Variants in SPATA18 observed in about 807,000 individuals in gnomAD.
SPATA18 encodes spermatogenesis associated 18.
Under a neutral mutation model 68.1 loss-of-function variants are expected in SPATA18, and 54 were observed. The observed-to-expected ratio is 0.79, with a 90% confidence interval of 0.64 to 0.99. The LOEUF is 0.99. Among genes scored for constraint, SPATA18 ranks in the 50% least tolerant of loss-of-function variants. The pLI is 0.00. For missense variants in SPATA18, 724 were observed against 681.1 expected (o/e 1.06, Z -0.70); for synonymous variants, 242 against 244.8 (o/e 0.99, Z 0.11).
At chr4:52,066,573 C>T (rs1280629856) in intron 4 of SPATA18, among the ~76,000 whole-genome samples, 1 of 152,086 alleles carries the variant, frequency 6.6e-6, no homozygotes, top group African/African-American at 2.4e-5. Flanking sequence ...AAACGTGTAC[C>T]ATGGTGGTTT....
intron 11 of SPATA18, 103 bp downstream of exon 11, chr4:52,085,102 G>GTA: frequency 1.2e-6 from 1 of 825,482 alleles, no homozygotes; most frequent in Non-Finnish European, 1.9e-6. Context: ...GTCTACAGGT[G>GTA]GAAAGAGAAC....
At position 52,051,392 on chromosome 4, in the gene SPATA18, A is replaced by G. The variant is rs1737850328; in HGVS notation, c.-313A>G. ...GGGCCGCGCGCGTCCCTGGCAGCCA[A>G]CCCGTCCACGTCAAGGTTTGTTTAA... On this transcript the variant is annotated 5_prime_UTR_variant, in exon 1 of 13. Coordinates refer to ENST00000295213, the MANE Select transcript of SPATA18 (RefSeq NM_145263.4). The G allele has an allele frequency of 7.2e-6, 2 of 278,876 alleles. No homozygotes were observed. Among genetic ancestry groups the G allele is most frequent in the Non-Finnish European group, 1.3e-5 (2 of 150,590 alleles). 17.3% of individuals were successfully genotyped at this position (278,876 alleles called of 1,614,324 possible).
intron 11 of SPATA18, 89 bp downstream of exon 11, chr4:52,085,088 ATAAGTC>A: frequency 9.7e-7 from 1 of 1,029,288 alleles, no homozygotes; most frequent in Non-Finnish European, 1.5e-6. Context: ...AGAGGTGATT[ATAAGTC>A]TACAGGTGGA....
chr4:52,079,597 C>T, intron 8 of SPATA18, 147 bp from the exon 9 acceptor site: 2 of 882,820 alleles, frequency 2.3e-6, no homozygotes, highest in Non-Finnish European at 1.7e-6. Context: ...CATCTTTCTC[C>T]TTTTAGCACA....
chr4:52,088,456 C>T (rs914839224), intron 11 of SPATA18, among the ~76,000 whole-genome samples: 3 of 152,082 alleles, frequency 2.0e-5, no homozygotes, highest in Non-Finnish European at 4.4e-5. Flanking sequence ...TCCATTGATA[C>T]TTAGTTTATT....
In SPATA18 at chr4:52,082,520, C is replaced by T; in HGVS notation, c.1479+10C>T. 3 of 1,613,914 alleles carry T rather than the reference C, an allele frequency of 1.9e-6. No homozygotes were observed. Among genetic ancestry groups the T allele is most frequent in the Non-Finnish European group, 2.5e-6 (3 of 1,179,910 alleles). The stretch of plus-strand genomic sequence containing the variant: ...CAGGAGAGGGGCTTTTGTACGGTGG[C>T]CTTGCATAGTGACAATTCATCCCAA... On this transcript the variant is annotated intron_variant, in intron 10 of 12. Transcript: ENST00000295213.
At chr4:52,079,595 T>TCCTTTTAGCA in intron 8 of SPATA18, 149 bp from the exon 9 acceptor site, 1 of 852,522 alleles carries the variant, frequency 1.2e-6, no homozygotes. Flanking sequence ...AACATCTTTC[T>TCCTTTTAGCA]CCTTTTAGCA....
chr4:52,059,619 A>G (rs1738653348), intron 1 of SPATA18, among the ~76,000 whole-genome samples: 1 of 152,198 alleles, frequency 6.6e-6, no homozygotes, highest in African/African-American at 2.4e-5. Context: ...GCCTTCCCAG[A>G]CTTTCCAAGA....
intron 3 of SPATA18, 65 bp downstream of exon 3, chr4:52,060,962 C>A: frequency 2.3e-6 from 3 of 1,316,792 alleles, no homozygotes; most frequent in Non-Finnish European, 2.2e-6. Flanking sequence ...CAGAAACCTC[C>A]AAGAGAAGAA....
At chr4:52,086,998 G>A (rs1409474484) in intron 11 of SPATA18, among the ~76,000 whole-genome samples, 1 of 152,142 alleles carries the variant, frequency 6.6e-6, no homozygotes, top group East Asian at 1.9e-4. Flanking sequence ...GTTTTGATGT[G>A]CATTTCTCTA....
At chr4:52,087,685 G>T (rs946583222) in intron 11 of SPATA18, among the ~76,000 whole-genome samples, 3 of 152,100 alleles carry the variant, frequency 2.0e-5, no homozygotes, top group African/African-American at 7.2e-5. Flanking sequence ...TTGTAGTATA[G>T]TTTGAAGTCA....
intron 5 of SPATA18, among the ~76,000 whole-genome samples, chr4:52,070,483 C>T (rs1192170231): frequency 1.5e-5 from 2 of 134,754 alleles, no homozygotes; most frequent in Non-Finnish European, 3.0e-5. Flanking sequence ...AAACATTGAT[C>T]TTTTAAAGTT....
chr4:52,078,975 C>G (rs533778431), intron 8 of SPATA18, 82 bp downstream of exon 8: 1 of 1,341,006 alleles, frequency 7.5e-7, no homozygotes, highest in Non-Finnish European at 9.9e-7. Flanking sequence ...AGAAATCCAT[C>G]CAGTATTTAG....
At chr4:52,060,390 C>A (rs1560583126) in intron 1 of SPATA18, 29 bp from the exon 2 acceptor site, 1 of 1,581,754 alleles carries the variant, frequency 6.3e-7, no homozygotes, top group East Asian at 2.2e-5. Context: ...AAGTAATTAC[C>A]CTGGTTATCT....
chr4:52,090,445 G>A (rs11133342), intron 11 of SPATA18, among the ~76,000 whole-genome samples: 5 of 152,068 alleles, frequency 3.3e-5, no homozygotes, highest in East Asian at 1.9e-4. Flanking sequence ...TGTTTAGTGC[G>A]TCTTTCAGGA....
At chr4:52,073,533 G>A (rs1740052782) in intron 6 of SPATA18, among the ~76,000 whole-genome samples, 1 of 152,162 alleles carries the variant, frequency 6.6e-6, no homozygotes, top group Admixed American at 6.5e-5. Context: ...CTACTTGGGA[G>A]GTTGTGGTGG....
At position 52,079,652 on chromosome 4, in the gene SPATA18, T is replaced by C. The variant is rs148567007; in HGVS notation, c.1180-92T>C. 107 of 1,428,046 alleles carry C rather than the reference T, an allele frequency of 7.5e-5. No individual in the cohort carries two copies. The African/African-American group carries it at 1.3e-3, about 17-fold the overall frequency. The allele number at this position is 1,428,046 out of a possible 1,614,324, so 88.5% of individuals were successfully genotyped here. On this transcript the variant is annotated intron_variant, in intron 8 of 12. Coordinates refer to ENST00000295213, the MANE Select transcript of SPATA18 (RefSeq NM_145263.4). The stretch of plus-strand genomic sequence containing the variant: ...AACTTGCTTTGGCTCACATTCTCTT[T>C]TCCCACCTCCCATCAATCCTAATAT...
chr4:52,067,542 C>T (rs1739414896), intron 4 of SPATA18, among the ~76,000 whole-genome samples: 1 of 152,184 alleles, frequency 6.6e-6, no homozygotes, highest in African/African-American at 2.4e-5. Flanking sequence ...TGCCTGTGCT[C>T]TTCCATTGCC....
intron 1 of SPATA18, 27 bp downstream of exon 1, chr4:52,051,818 G>A: frequency 1.3e-6 from 2 of 1,598,174 alleles, no homozygotes; most frequent in Non-Finnish European, 8.6e-7. Flanking sequence ...AACCCCCGGG[G>A]TTCGCCCTCC....
Sources: allele counts gnomAD v4.1 joint callset (sites outside exome capture counted in the v4.1 genomes callset), GRCh38; gene constraint gnomAD v4.1.1; transcripts MANE v1.5; gene names NCBI Gene and HGNC (gene_info 2026-07-23, HGNC 2026-07-21).